The following ARRB1 variants were observed in gnomAD, a reference collection of about 807,000 sequenced individuals.
ARRB1 encodes beta-arrestin-1.
A neutral mutation model predicts 56.8 loss-of-function variants in ARRB1; 21 were observed. The observed-to-expected ratio is 0.37, with a 90% CI of 0.26 to 0.53. ARRB1 has a LOEUF of 0.53. Ranked by LOEUF, ARRB1 falls within the 20% of genes least tolerant of loss-of-function variation. The pLI, the probability that ARRB1 is intolerant of heterozygous loss-of-function variation, is 0.88. For missense variants in ARRB1, 424 were observed against 553.7 expected, an observed-to-expected ratio of 0.77 and a Z score of 2.35; for synonymous variants, 210 against 218.6, an observed-to-expected ratio of 0.96 and a Z score of 0.35.
At chr11:75,307,277 A>C (rs1947054168) in intron 1 of ARRB1, among the ~76,000 whole-genome samples, 3 of 152,246 alleles carry the variant, frequency 2.0e-5, no homozygotes, top group Admixed American at 6.5e-5. Flanking sequence ...GAAGGCCATA[A>C]ATGGGGTTTC....
chr11:75,269,307 C>CA (rs1554971790), intron 13 of ARRB1: 2 of 435,186 alleles, frequency 4.6e-6, no homozygotes, highest in East Asian at 5.7e-5. Context: ...GACCCCCCCC[C>CA]ACCTCAAATC....
chr11:75,322,213 G>A (rs539920350), intron 1 of ARRB1, among the ~76,000 whole-genome samples: 7 of 152,246 alleles, frequency 4.6e-5, no homozygotes, highest in African/African-American at 9.6e-5. Context: ...GCTGAACTGG[G>A]GCAAAACAAA....
intron 1 of ARRB1, among the ~76,000 whole-genome samples, chr11:75,293,871 G>C (rs1056343191): frequency 1.4e-4 from 22 of 152,284 alleles, no homozygotes; most frequent in Middle Eastern, 3.4e-3. Flanking sequence ...TCCTCCCGGG[G>C]CTTCATTTTC....
intron 1 of ARRB1, 136 bp from the exon 2 acceptor site, chr11:75,290,175 C>T: frequency 9.9e-7 from 1 of 1,008,832 alleles, no homozygotes; most frequent in Non-Finnish European, 1.5e-6. Context: ...GAGATCCGAA[C>T]AGTGCCCATG....
chr11:75,301,023 A>G (rs1389644180), intron 1 of ARRB1, among the ~76,000 whole-genome samples: 1 of 151,406 alleles, frequency 6.6e-6, no homozygotes, highest in East Asian at 1.9e-4. Flanking sequence ...GGGCGCCTGT[A>G]GTCCCAGCTA....
chr11:75,342,474 G>A (rs895241858), intron 1 of ARRB1, among the ~76,000 whole-genome samples: 1 of 152,178 alleles, frequency 6.6e-6, no homozygotes, highest in Non-Finnish European at 1.5e-5. Context: ...AGCCGATGGG[G>A]AGCTCTGTGC....
intron 1 of ARRB1, among the ~76,000 whole-genome samples, chr11:75,333,216 A>G (rs1323317584): frequency 6.6e-6 from 1 of 152,240 alleles, no homozygotes; most frequent in Non-Finnish European, 1.5e-5. Flanking sequence ...AGAAAAAAAC[A>G]AAGCCACTTG....
In ARRB1 at chr11:75,272,208, C is replaced by T. The variant is rs954016951; in HGVS notation, c.999-484G>A. On this transcript the variant is annotated intron_variant, in intron 12 of 15. Coordinates refer to ENST00000420843, the MANE Select transcript of ARRB1 (RefSeq NM_004041.5). ...CATTCTTCTAATAATCAAGGAGACCCAATGTCTAATGGGATTTAGCTTTTC... is the reference window on the plus strand; with the variant it reads ...CATTCTTCTAATAATCAAGGAGACCTAATGTCTAATGGGATTTAGCTTTTC... Among the ~76,000 whole-genome samples the T allele has an allele frequency of 1.2e-4, 18 of 152,210 alleles. 1 individual carries two copies. The highest frequency in any genetic ancestry group is 7.8e-4 in the Admixed American group (12 of 15,288).
intron 1 of ARRB1, among the ~76,000 whole-genome samples, chr11:75,318,651 C>A (rs1053655627): frequency 6.6e-6 from 1 of 151,948 alleles, no homozygotes. Flanking sequence ...GATCACGCCA[C>A]TGCACCCTAG....
chr11:75,328,523 C>T (rs1374802266), intron 1 of ARRB1, among the ~76,000 whole-genome samples: 1 of 152,182 alleles, frequency 6.6e-6, no homozygotes, highest in Non-Finnish European at 1.5e-5. Flanking sequence ...AAGCCCCTGC[C>T]GCCCAAATGA....
At chr11:75,297,328 C>A (rs1410592881) in intron 1 of ARRB1, among the ~76,000 whole-genome samples, 1 of 150,310 alleles carries the variant, frequency 6.7e-6, no homozygotes, top group Non-Finnish European at 1.5e-5. Context: ...CAAAACTTAC[C>A]ACAAAGCTAC....
chr11:75,347,174 G>C (rs1261116633), intron 1 of ARRB1, among the ~76,000 whole-genome samples: 10 of 152,254 alleles, frequency 6.6e-5, no homozygotes, highest in Non-Finnish European at 1.2e-4. Flanking sequence ...AACTTGGAAG[G>C]AAGAGAGCAG....
At chr11:75,301,785 C>T (rs1006584629) in intron 1 of ARRB1, among the ~76,000 whole-genome samples, 2 of 152,126 alleles carry the variant, frequency 1.3e-5, no homozygotes, top group Admixed American at 6.5e-5. Flanking sequence ...ATTTGTGTAC[C>T]GGCTCGTCTG....
Position 75,266,134 on chromosome 11 carries a change from G to A in ARRB1, c.*29C>T, listed in dbSNP as rs751423091. The A allele has an allele frequency of 1.8e-5, 28 of 1,563,190 alleles. No individual in the cohort carries two copies. The highest frequency in any genetic ancestry group is 1.0e-4 in the Admixed American group (6 of 59,944). ...CATCCGAGTGCACGAGAGTGGAGCC[G>A]GAGCCACGTGGAGGCAGGGCCGGCC... On this transcript the variant is annotated 3_prime_UTR_variant, in exon 16 of 16. Transcript: ENST00000420843.
chr11:75,345,623 A>G (rs1947755292), intron 1 of ARRB1, among the ~76,000 whole-genome samples: 2 of 152,102 alleles, frequency 1.3e-5, no homozygotes, highest in Admixed American at 1.3e-4. Flanking sequence ...TCCCACCTGC[A>G]AAAGCCAATC....
intron 1 of ARRB1, among the ~76,000 whole-genome samples, chr11:75,297,816 G>A (rs1338110626): frequency 8.7e-6 from 1 of 115,512 alleles, no homozygotes; most frequent in African/African-American, 3.4e-5. Flanking sequence ...AGTGAGCTGA[G>A]ATCATGCCAC....
chr11:75,346,655 C>T (rs1015456360), intron 1 of ARRB1, among the ~76,000 whole-genome samples: 7 of 152,220 alleles, frequency 4.6e-5, no homozygotes, highest in African/African-American at 1.7e-4. Context: ...CCAGCTCATC[C>T]TCTGTGGGTC....
At chr11:75,313,895 C>T (rs572926488) in intron 1 of ARRB1, among the ~76,000 whole-genome samples, 5 of 152,332 alleles carry the variant, frequency 3.3e-5, no homozygotes, top group East Asian at 3.9e-4. Context: ...GTGCTTCTTA[C>T]GTGCCTAACA....
At chr11:75,313,207 C>T (rs750260987) in intron 1 of ARRB1, among the ~76,000 whole-genome samples, 11 of 152,050 alleles carry the variant, frequency 7.2e-5, no homozygotes, top group African/African-American at 1.4e-4. Flanking sequence ...ACAAAAATTA[C>T]GGGCGTGGTG....
Sources: gnomAD v4.1 joint callset for allele counts (sites outside exome capture counted in the v4.1 genomes callset) on GRCh38, gnomAD v4.1.1 for gene constraint, MANE v1.5 for transcripts, NCBI Gene and HGNC (gene_info 2026-07-23, HGNC 2026-07-21) for gene names.